PDE4B: variants seen among roughly 807,000 people sequenced by gnomAD.
The protein encoded by PDE4B is 3',5'-cyclic-AMP phosphodiesterase 4B.
In PDE4B, 20 loss-of-function variants were observed where a neutral mutation model predicts 82.2. The observed-to-expected ratio is 0.24, with a 90% CI of 0.17 to 0.35. PDE4B has a LOEUF of 0.35. Among genes scored for constraint, PDE4B ranks in the 10% least tolerant of loss-of-function variants. PDE4B has a pLI of 1.00. For synonymous variants in PDE4B, 320 were observed against 318.9 expected (o/e 1.00, Z -0.04); for missense variants, 655 against 907.2 (o/e 0.72, Z 3.57).
chr1:66,152,440 A>AT, intron 3 of PDE4B: 1 of 241,526 alleles, frequency 4.1e-6, no homozygotes, highest in South Asian at 4.8e-5. Context: ...TGGCAGCAGC[A>AT]GCACACCACC....
At chr1:66,140,483 A>G (rs1646149843) in intron 3 of PDE4B, among the ~76,000 whole-genome samples, 3 of 152,244 alleles carry the variant, frequency 2.0e-5, no homozygotes, top group Non-Finnish European at 4.4e-5. Flanking sequence ...ATGTAAGAAA[A>G]ACTTGCAGAA....
intron 7 of PDE4B, among the ~76,000 whole-genome samples, chr1:66,274,467 C>T (rs1655736985): frequency 6.6e-6 from 1 of 151,976 alleles, no homozygotes; most frequent in African/African-American, 2.4e-5. Flanking sequence ...GCCACTGCGC[C>T]CAGCTGAAAA....
chr1:66,114,868 T>C (rs568921316), intron 3 of PDE4B, among the ~76,000 whole-genome samples: 29 of 152,212 alleles, frequency 1.9e-4, no homozygotes, highest in African/African-American at 7.0e-4. Flanking sequence ...ACTCCTGACC[T>C]CAAGTGATCC....
chr1:66,360,381 C>T (rs1403522827), intron 9 of PDE4B: 2 of 152,036 alleles, frequency 1.3e-5, no homozygotes, highest in Non-Finnish European at 2.9e-5. Flanking sequence ...TCCACAGGGG[C>T]CTATGAGCAG....
At chr1:66,361,121 T>G (rs988988959) in intron 9 of PDE4B, among the ~76,000 whole-genome samples, 3 of 152,212 alleles carry the variant, frequency 2.0e-5, no homozygotes, top group African/African-American at 7.2e-5. Flanking sequence ...CATATGGATT[T>G]TTAAATTTTT....
intron 3 of PDE4B, among the ~76,000 whole-genome samples, chr1:66,079,555 A>T (rs1335689736): frequency 6.6e-6 from 1 of 152,158 alleles, no homozygotes; most frequent in African/African-American, 2.4e-5. Flanking sequence ...CCAGCAAATT[A>T]AAGAAACTTC....
Position 66,374,281 on chromosome 1 carries a change from A to G in PDE4B, c.*1603A>G, listed in dbSNP as rs1378306396. On this transcript the variant is annotated 3_prime_UTR_variant, in exon 17 of 17. Transcript: ENST00000341517. ...AAAATGTGAACTGATGTAGCAAATT[A>G]CGCAAATGTGAAGCCTCTTCTGATA... is the stretch of plus-strand genomic sequence containing the variant. 6.5e-6 allele frequency: 1 copy of G among 152,700 alleles called. No individual in the cohort carries two copies. Among genetic ancestry groups the G allele is most frequent in the Non-Finnish European group, 1.5e-5 (1 of 68,048 alleles). The allele number at this position is 152,700 out of a possible 1,614,324, so 9.5% of individuals were successfully genotyped here. A position where few individuals can be genotyped will look rare whatever the true frequency, so the allele number is the denominator to read the frequency against.
chr1:66,262,625 C>T (rs374747558), intron 6 of PDE4B, among the ~76,000 whole-genome samples: 3 of 152,342 alleles, frequency 2.0e-5, no homozygotes, highest in South Asian at 2.1e-4. Context: ...TCTGGCATTC[C>T]TTACAATTTT....
At chr1:66,286,133 A>T (rs992183434) in intron 7 of PDE4B, among the ~76,000 whole-genome samples, 1 of 152,192 alleles carries the variant, frequency 6.6e-6, no homozygotes, top group Non-Finnish European at 1.5e-5. Context: ...ATGAGTCTCC[A>T]TAGAAGATGC....
intron 2 of PDE4B, among the ~76,000 whole-genome samples, chr1:65,914,473 T>TTC (rs560696094): frequency 0.095 from 9,108 of 95,636 alleles, 647 homozygotes; most frequent in East Asian, 0.41. Context: ...TCTTCTTCTT[T>TTC]TTTTTTTTTC....
intron 3 of PDE4B, among the ~76,000 whole-genome samples, chr1:65,997,315 T>C (rs1651604952): frequency 6.6e-6 from 1 of 152,184 alleles, no homozygotes; most frequent in Admixed American, 6.5e-5. Flanking sequence ...TTCTTCTCGT[T>C]TAGTTTTACC....
chr1:66,092,802 T>C (rs1645049563), intron 3 of PDE4B, among the ~76,000 whole-genome samples: 1 of 151,864 alleles, frequency 6.6e-6, no homozygotes, highest in Non-Finnish European at 1.5e-5. Flanking sequence ...GACAAAAGGA[T>C]AAGCATGTGC....
chr1:66,021,072 T>A (rs979143504), intron 3 of PDE4B, among the ~76,000 whole-genome samples: 8 of 152,210 alleles, frequency 5.3e-5, no homozygotes, highest in Non-Finnish European at 1.0e-4. Context: ...GCCAGTGATG[T>A]TGAGCATTTT....
At chr1:65,863,107 A>G (rs1303545698) in intron 1 of PDE4B, among the ~76,000 whole-genome samples, 1 of 151,966 alleles carries the variant, frequency 6.6e-6, no homozygotes, top group Non-Finnish European at 1.5e-5. Context: ...TGTCAATTTC[A>G]TATCTTTCCA....
chr1:66,019,868 T>G (rs1260894882), intron 3 of PDE4B, among the ~76,000 whole-genome samples: 1 of 152,194 alleles, frequency 6.6e-6, no homozygotes, highest in Non-Finnish European at 1.5e-5. Flanking sequence ...TAGACAATAC[T>G]CTCAGAGAGC....
chr1:65,952,663 C>G (rs543433633), intron 3 of PDE4B, among the ~76,000 whole-genome samples: 1 of 152,032 alleles, frequency 6.6e-6, no homozygotes, highest in Non-Finnish European at 1.5e-5. Context: ...ACCTGGGTCA[C>G]AAGAGCAAAA....
chr1:66,304,361 G>A (rs540921082), intron 7 of PDE4B, among the ~76,000 whole-genome samples: 7 of 151,954 alleles, frequency 4.6e-5, no homozygotes, highest in Non-Finnish European at 5.9e-5. Flanking sequence ...GCTACATCAC[G>A]GTTTTCTGAC....
At chr1:65,994,224 T>G (rs1651408083) in intron 3 of PDE4B, among the ~76,000 whole-genome samples, 1 of 152,206 alleles carries the variant, frequency 6.6e-6, no homozygotes, top group Admixed American at 6.5e-5. Flanking sequence ...ATCTAAAATG[T>G]TTGTCTGCTT....
intron 3 of PDE4B, among the ~76,000 whole-genome samples, chr1:66,116,343 C>G (rs1645593285): frequency 6.6e-6 from 1 of 152,032 alleles, no homozygotes; most frequent in African/African-American, 2.4e-5. Flanking sequence ...AAGGGTAGTC[C>G]TAGCTTTAGC....
Sources: allele counts gnomAD v4.1 joint callset (sites outside exome capture counted in the v4.1 genomes callset), GRCh38; gene constraint gnomAD v4.1.1; transcripts MANE v1.5; gene names NCBI Gene and HGNC (gene_info 2026-07-23, HGNC 2026-07-21).